ATE1: variants seen among roughly 807,000 people sequenced by gnomAD.
The protein encoded by ATE1 is arginyl-tRNA--protein transferase 1.
In ATE1, 36 loss-of-function variants were observed where a neutral mutation model predicts 70.5. The observed-to-expected ratio is 0.51, with a 90% CI of 0.39 to 0.67. The LOEUF (loss-of-function observed/expected upper bound fraction) is 0.67. ATE1 is among the 30% of genes least tolerant of loss of function. ATE1 has a pLI of 0.00. For synonymous variants in ATE1, 232 were observed against 219.3 expected (o/e 1.06, Z -0.51); for missense variants, 593 against 629.5 (o/e 0.94, Z 0.62).
At chr10:121,856,419 A>C (rs1265571557) in intron 8 of ATE1, among the ~76,000 whole-genome samples, 2 of 151,944 alleles carry the variant, frequency 1.3e-5, no homozygotes, top group Non-Finnish European at 2.9e-5. Flanking sequence ...AATACCAGCT[A>C]CTCAGGAGGC....
intron 8 of ATE1, among the ~76,000 whole-genome samples, chr10:121,844,917 AAAAG>A (rs371893821): frequency 0.014 from 2,118 of 152,296 alleles, 62 homozygotes; most frequent in African/African-American, 0.049. Flanking sequence ...TAAAAAAAAA[AAAAG>A]AAGGTTTGTG....
intron 11 of ATE1, among the ~76,000 whole-genome samples, chr10:121,781,859 T>C (rs895964711): frequency 2.6e-5 from 4 of 152,250 alleles, no homozygotes; most frequent in Non-Finnish European, 4.4e-5. Flanking sequence ...CTTTGAATGA[T>C]ATCTATTTCA....
At chr10:121,764,432 T>C (rs1015227940) in intron 11 of ATE1, among the ~76,000 whole-genome samples, 1 of 150,016 alleles carries the variant, frequency 6.7e-6, no homozygotes, top group Non-Finnish European at 1.5e-5. Flanking sequence ...AAGCCAGGAA[T>C]TTGAGACCAG....
chr10:121,751,051 G>T (rs1418394468), intron 11 of ATE1, among the ~76,000 whole-genome samples: 1 of 152,192 alleles, frequency 6.6e-6, no homozygotes, highest in Non-Finnish European at 1.5e-5. Flanking sequence ...GAAATGCAGA[G>T]CAGTTGTGAC....
At chr10:121,886,129 A>G (rs1179690348) in intron 7 of ATE1, among the ~76,000 whole-genome samples, 4 of 152,088 alleles carry the variant, frequency 2.6e-5, no homozygotes, top group African/African-American at 4.8e-5. Flanking sequence ...AGATTTTCAC[A>G]TAAGTGATAC....
intron 8 of ATE1, among the ~76,000 whole-genome samples, chr10:121,867,609 C>G (rs934187150): frequency 1.3e-5 from 2 of 152,114 alleles, no homozygotes; most frequent in South Asian, 4.1e-4. Context: ...GCTACCAATG[C>G]ACCTCTACCC....
chr10:121,866,958 G>C (rs1040101041), intron 8 of ATE1, among the ~76,000 whole-genome samples: 1 of 151,940 alleles, frequency 6.6e-6, no homozygotes, highest in African/African-American at 2.4e-5. Context: ...AGATTACAAA[G>C]GACAAAGCTC....
intron 10 of ATE1, among the ~76,000 whole-genome samples, chr10:121,805,844 A>G (rs925085056): frequency 2.0e-5 from 3 of 152,198 alleles, no homozygotes; most frequent in African/African-American, 7.2e-5. Flanking sequence ...AGACCACTAT[A>G]TGACTATTTA....
At chr10:121,835,274 C>G (rs1948391244) in intron 10 of ATE1, among the ~76,000 whole-genome samples, 1 of 152,048 alleles carries the variant, frequency 6.6e-6, no homozygotes, top group Admixed American at 6.6e-5. Context: ...GATCAGCTTA[C>G]CTGGACTGTC....
chr10:121,876,784 G>A (rs1285281122), intron 7 of ATE1, among the ~76,000 whole-genome samples: 1 of 152,084 alleles, frequency 6.6e-6, no homozygotes, highest in African/African-American at 2.4e-5. Context: ...GGGTAACACA[G>A]TGAAACCCCG....
chr10:121,836,180 T>C (rs1027830368), intron 10 of ATE1, among the ~76,000 whole-genome samples: 1 of 152,112 alleles, frequency 6.6e-6, no homozygotes, highest in Non-Finnish European at 1.5e-5. Context: ...CTCTTCCACA[T>C]CTTCTATAGT....
At chr10:121,899,065 G>A (rs1054423760) in intron 7 of ATE1, 31 of 1,395,752 alleles carry the variant, frequency 2.2e-5, no homozygotes, top group Admixed American at 1.2e-4. Context: ...ACAAATCCAC[G>A]CCAAAGCTCG....
intron 10 of ATE1, among the ~76,000 whole-genome samples, chr10:121,835,892 A>G (rs942605926): frequency 6.6e-6 from 1 of 152,096 alleles, no homozygotes; most frequent in Non-Finnish European, 1.5e-5. Context: ...TTAATGTGGC[A>G]TGTCTGAAAA....
intron 1 of ATE1, chr10:121,927,581 C>G: frequency 1.0e-6 from 1 of 977,076 alleles, no homozygotes; most frequent in Non-Finnish European, 1.2e-6. Flanking sequence ...CACAATCTAC[C>G]CCAGACGGGC....
chr10:121,745,447 T>G (rs187955213), intron 11 of ATE1, among the ~76,000 whole-genome samples: 2 of 152,192 alleles, frequency 1.3e-5, no homozygotes, highest in Non-Finnish European at 2.9e-5. Context: ...CGGGGTGCAG[T>G]GGCTCACGCC....
In ATE1 at chr10:121,913,896, A is replaced by G. The variant is rs1372569621; in HGVS notation, c.234-3T>C. 6.3e-7 allele frequency: 1 copy of G among 1,598,806 alleles called. No individual in the cohort carries two copies. The highest frequency in any genetic ancestry group is 8.5e-7 in the Non-Finnish European group (1 of 1,171,904). ...GCTGAAATTGTAAAGGTCGGCACCT[A>G]GGAAAGCAAAATAAATATTTAAAAA... On this transcript the variant is annotated splice_polypyrimidine_tract_variant and splice_region_variant and intron_variant, in intron 3 of 11. Coordinates refer to ENST00000224652, the MANE Select transcript of ATE1 (RefSeq NM_001001976.3).
chr10:121,874,474 C>G (rs1014280671), intron 7 of ATE1, among the ~76,000 whole-genome samples: 2 of 152,264 alleles, frequency 1.3e-5, no homozygotes, highest in East Asian at 3.9e-4. Flanking sequence ...TTTAAAAAGT[C>G]ATCAAAAGAA....
At chr10:121,899,233 T>A (rs1203189748) in intron 7 of ATE1, among the ~76,000 whole-genome samples, 2 of 152,184 alleles carry the variant, frequency 1.3e-5, no homozygotes. Flanking sequence ...GTTTTCTGCA[T>A]AAACTAGAGT....
chr10:121,925,710 C>CAAA (rs113313547), intron 1 of ATE1, among the ~76,000 whole-genome samples: 2 of 150,364 alleles, frequency 1.3e-5, no homozygotes, highest in Admixed American at 6.7e-5. Flanking sequence ...TCTGTTTTCA[C>CAAA]AAAAAAAAAA....
Sources: gnomAD v4.1 joint callset for allele counts (sites outside exome capture counted in the v4.1 genomes callset) on GRCh38, gnomAD v4.1.1 for gene constraint, MANE v1.5 for transcripts, NCBI Gene and HGNC (gene_info 2026-07-23, HGNC 2026-07-21) for gene names.